Variants in CABP1 observed in about 807,000 individuals in gnomAD.
CABP1 encodes the protein calcium binding protein 1, also known as calcium-binding protein 1.
In CABP1, 17 loss-of-function variants were observed where a neutral mutation model predicts 34.3. The observed-to-expected ratio is 0.50, with a 90% CI of 0.34 to 0.74. The LOEUF is 0.74. Ranked by LOEUF, CABP1 falls within the 30% of genes least tolerant of loss-of-function variation. CABP1 has a pLI of 0.01. For missense variants in CABP1, 373 were observed against 511.1 expected, an observed-to-expected ratio of 0.73 and a Z score of 2.61; for synonymous variants, 198 against 229.2, an observed-to-expected ratio of 0.86 and a Z score of 1.23.
At chr12:120,654,335 C>T (rs188604557) in intron 1 of CABP1, among the ~76,000 whole-genome samples, 18 of 152,214 alleles carry the variant, frequency 1.2e-4, no homozygotes, top group African/African-American at 4.1e-4. Flanking sequence ...AAGGGAGTCT[C>T]GGTCTGTAGT....
chr12:120,651,308 G>A (rs1879833354), intron 1 of CABP1, among the ~76,000 whole-genome samples: 1 of 152,164 alleles, frequency 6.6e-6, no homozygotes, highest in Non-Finnish European at 1.5e-5. Flanking sequence ...TGTTGAGCAG[G>A]GGTTGCATGT....
intron 5 of CABP1, among the ~76,000 whole-genome samples, chr12:120,663,450 A>T (rs930088596): frequency 6.6e-6 from 1 of 151,398 alleles, no homozygotes; most frequent in African/African-American, 2.4e-5. Flanking sequence ...AATTTTTTGT[A>T]TTTTTAGTAG....
intron 1 of CABP1, among the ~76,000 whole-genome samples, chr12:120,645,541 A>G (rs1879506590): frequency 6.6e-6 from 1 of 152,186 alleles, no homozygotes; most frequent in Non-Finnish European, 1.5e-5. Context: ...AGAAATGAGG[A>G]AGGCTTGGCC....
chr12:120,651,297 G>A lies in CABP1; in HGVS notation c.655-8581G>A, dbSNP rs142497563. On this transcript the variant is annotated intron_variant, in intron 1 of 5. Transcript: ENST00000316803. Reference sequence around the variant, plus strand: ...TTAAGAAGTAGGCTGCCCGGGTGATGTGTTGAGCAGGGGTTGCATGTAAGT... The same window carrying A: ...TTAAGAAGTAGGCTGCCCGGGTGATATGTTGAGCAGGGGTTGCATGTAAGT... 1.7e-4 allele frequency among the ~76,000 whole-genome samples: 26 copies of A among 152,338 alleles called. 1 individual carries two copies. In the East Asian group the frequency reaches 4.8e-3, roughly 28 times the overall value.
rs527543268 is a variant in CABP1 at position 120,653,993 on chromosome 12, G to A, written c.655-5885G>A. Among the ~76,000 whole-genome samples the A allele has an allele frequency of 1.5e-3, 222 of 152,296 alleles. 1 individual carries two copies. The highest frequency in any genetic ancestry group is 5.1e-3 in the African/African-American group (213 of 41,556). On this transcript the variant is annotated intron_variant, in intron 1 of 5. Transcript: ENST00000316803. Reference sequence around the variant, plus strand: ...GGTTCGGCCAGTCACTGTTATCTCAGGCATGCTTTGATCCACTCTCCCAGA... The same window carrying A: ...GGTTCGGCCAGTCACTGTTATCTCAAGCATGCTTTGATCCACTCTCCCAGA...
chr12:120,667,984 C>A (rs939080289), downstream of CABP1, among the ~76,000 whole-genome samples: 2 of 152,156 alleles, frequency 1.3e-5, no homozygotes, highest in Non-Finnish European at 1.5e-5. Context: ...CTTTCTGGAA[C>A]TTTTATACTG....
In CABP1 at chr12:120,655,856, T is replaced by C. The variant is rs1221431571; in HGVS notation, c.655-4022T>C. ...GTGTGTGTGTGTGTGTGTGTGCGCA[T>C]GTGCCACACAGAGGGCATCACATTC... On this transcript the variant is annotated intron_variant, in intron 1 of 5. Transcript: ENST00000316803. The C allele has an allele frequency of 7.8e-6, 12 of 1,534,466 alleles. No homozygotes were observed. In the East Asian group the frequency reaches 2.5e-4, roughly 31 times the overall value.
At chr12:120,673,440 C>G in the CABP1 span, among the ~76,000 whole-genome samples, 1,001 of 152,030 alleles carry the variant, frequency 6.6e-3, 27 homozygotes, top group Admixed American at 0.053. Context: ...AAAAATTAGC[C>G]GGGCATGGTG....
At chr12:120,647,396 T>C (rs971069065) in intron 1 of CABP1, among the ~76,000 whole-genome samples, 7 of 151,828 alleles carry the variant, frequency 4.6e-5, no homozygotes, top group Non-Finnish European at 1.0e-4. Flanking sequence ...TTTTTTTTTT[T>C]TTTTTAAATA....
At chr12:120,654,933 G>A (rs149888936) in intron 1 of CABP1, among the ~76,000 whole-genome samples, 170 of 152,342 alleles carry the variant, frequency 1.1e-3, no homozygotes, top group Non-Finnish European at 2.0e-3. Context: ...CTAGAGGTCC[G>A]GCACTCTGGG....
At position 120,641,680 on chromosome 12, in the gene CABP1, G is replaced by A. The variant is rs1485178028; in HGVS notation, c.654+341G>A. The A allele has an allele frequency of 4.4e-6, 1 of 225,852 alleles. No individual in the cohort carries two copies. Among genetic ancestry groups the A allele is most frequent in the East Asian group, 8.6e-5 (1 of 11,682 alleles). The allele number at this position is 225,852 out of a possible 1,614,324, so 14.0% of individuals were successfully genotyped here. A position where few individuals can be genotyped will look rare whatever the true frequency, so the allele number is the denominator to read the frequency against. On this transcript the variant is annotated intron_variant, in intron 1 of 5. Coordinates refer to ENST00000316803, the MANE Select transcript of CABP1 (RefSeq NM_001033677.2). The surrounding 1 kb of genome is among the most constrained non-coding windows in gnomAD (Gnocchi z 6.7). ...AGGAGGGGCGCTCCGAGCAGGTGGC[G>A]CCAAACCCACTCCTCTGGCCTCTGG...
the CABP1 span, among the ~76,000 whole-genome samples, chr12:120,678,557 G>A: frequency 6.6e-6 from 1 of 152,170 alleles, no homozygotes; most frequent in Non-Finnish European, 1.5e-5. Context: ...GGCACGCTGT[G>A]AATGGCTCCT....
rs1286623303 is a variant in CABP1, at chr12:120,661,963, C to T, written c.1087+745C>T. On this transcript the variant is annotated intron_variant, in intron 5 of 5. Transcript: ENST00000316803. The surrounding 1 kb of genome is among the most constrained non-coding windows in gnomAD (Gnocchi z 5.1). ...ACTCATATAGATCTCTCTATGTGTTCACACTTCTATACTTCCATTCACACA... is the reference window on the plus strand; with the variant it reads ...ACTCATATAGATCTCTCTATGTGTTTACACTTCTATACTTCCATTCACACA... 6.6e-6 allele frequency: 1 copy of T among 152,278 alleles called. No homozygotes were observed. The highest frequency in any genetic ancestry group is 2.4e-5 in the African/African-American group (1 of 41,440). The allele number at this position is 152,278 out of a possible 1,614,324, so 9.4% of individuals were successfully genotyped here.
At chr12:120,651,868 G>A (rs1296178698) in intron 1 of CABP1, among the ~76,000 whole-genome samples, 1 of 152,098 alleles carries the variant, frequency 6.6e-6, no homozygotes, top group Non-Finnish European at 1.5e-5. Context: ...CTTCTGCATC[G>A]GAAGTGCCCT....
In CABP1 at chr12:120,644,089, G is replaced by A. The variant is rs144901797; in HGVS notation, c.654+2750G>A. Among the ~76,000 whole-genome samples the A allele has an allele frequency of 4.5e-4, 69 of 152,308 alleles. 2 individuals are homozygous for A. The highest frequency in any genetic ancestry group is 1.6e-3 in the African/African-American group (67 of 41,556). ...GCTAAGGTGTGGAATGGTGGCTTGG[G>A]AGACAGCAGAGATGCAAGTTCTAAT... On this transcript the variant is annotated intron_variant, in intron 1 of 5. Coordinates refer to ENST00000316803, the MANE Select transcript of CABP1 (RefSeq NM_001033677.2).
chr12:120,680,464 T>C, the CABP1 span, among the ~76,000 whole-genome samples: 1 of 152,136 alleles, frequency 6.6e-6, no homozygotes. Flanking sequence ...TTTGCAGAAA[T>C]GTTTGCAGCA....
chr12:120,677,700 C>T, the CABP1 span, among the ~76,000 whole-genome samples: 1 of 152,202 alleles, frequency 6.6e-6, no homozygotes, highest in African/African-American at 2.4e-5. Flanking sequence ...AGCCACAGCG[C>T]CCAGCTGAAG....
At chr12:120,658,361 G>C (rs961140145) in intron 1 of CABP1, among the ~76,000 whole-genome samples, 1 of 152,108 alleles carries the variant, frequency 6.6e-6, no homozygotes, top group Non-Finnish European at 1.5e-5. Context: ...GCCTCGTAAA[G>C]TGCTAGGATT....
At chr12:120,664,574 C>CT (rs1566002841) in intron 5 of CABP1, among the ~76,000 whole-genome samples, 1 of 152,012 alleles carries the variant, frequency 6.6e-6, no homozygotes, top group Non-Finnish European at 1.5e-5. Flanking sequence ...TTGCTCAGTG[C>CT]TAAAAAGAGA....
Sources: gnomAD v4.1 joint callset for allele counts (sites outside exome capture counted in the v4.1 genomes callset) on GRCh38, gnomAD v4.1.1 for gene constraint, Gnocchi (gnomAD v3.1) non-coding constraint, MANE v1.5 for transcripts, NCBI Gene and HGNC (gene_info 2026-07-23, HGNC 2026-07-21) for gene names.